Variants in CSMD3 observed in about 807,000 individuals in gnomAD.
CSMD3 encodes the protein CUB and Sushi multiple domains 3.
CSMD3 carries 177 observed loss-of-function variants against 435.2 expected under a neutral mutation model. That is an observed-to-expected ratio of 0.41 (90% CI 0.36 to 0.46). CSMD3 has a LOEUF of 0.46. Ranked by LOEUF, CSMD3 falls within the 20% of genes least tolerant of loss-of-function variation. CSMD3 has a pLI of 0.34. For synonymous variants in CSMD3, 1,656 were observed against 1,520.5 expected (o/e 1.09, Z -2.07); for missense variants, 4,265 against 4,504.6 (o/e 0.95, Z 1.52).
chr8:112,544,277 T>C (rs918181985), intron 27 of CSMD3, among the ~76,000 whole-genome samples: 7 of 152,150 alleles, frequency 4.6e-5, no homozygotes, highest in African/African-American at 1.7e-4. Flanking sequence ...CTGTTGAAGA[T>C]AGGTACTGTA....
chr8:112,339,887 T>A (rs1219460207), intron 42 of CSMD3, among the ~76,000 whole-genome samples: 2 of 152,208 alleles, frequency 1.3e-5, no homozygotes, highest in Non-Finnish European at 2.9e-5. Context: ...ATTCACAACA[T>A]CTCCTCATCA....
In CSMD3 at chr8:112,325,875, T is replaced by C. The variant is rs1586774701; in HGVS notation, c.7166-5894A>G. 3.3e-5 allele frequency among the ~76,000 whole-genome samples: 5 copies of C among 152,198 alleles called. No homozygotes were observed. The South Asian group carries it at 8.3e-4, about 25-fold the overall frequency. On this transcript the variant is annotated intron_variant, in intron 45 of 70. Coordinates refer to ENST00000297405, the MANE Select transcript of CSMD3 (RefSeq NM_198123.2). ...ATAATAATGATAATAGTAATAATTTTATGCCATCCCAAAGGGCAGTTATGA... is the reference window on the plus strand; with the variant it reads ...ATAATAATGATAATAGTAATAATTTCATGCCATCCCAAAGGGCAGTTATGA...
intron 5 of CSMD3, among the ~76,000 whole-genome samples, chr8:113,051,467 G>GT (rs1044005501): frequency 9.2e-5 from 14 of 152,104 alleles, no homozygotes; most frequent in East Asian, 1.9e-4. Flanking sequence ...TTAATAAATT[G>GT]TTTTTTACCG....
At chr8:112,362,890 C>G (rs1827389618) in intron 38 of CSMD3, among the ~76,000 whole-genome samples, 1 of 151,864 alleles carries the variant, frequency 6.6e-6, no homozygotes, top group African/African-American at 2.4e-5. Flanking sequence ...AGAGATTTTT[C>G]TTTCTTTTTT....
intron 1 of CSMD3, among the ~76,000 whole-genome samples, chr8:113,413,707 A>G (rs1419440546): frequency 6.6e-6 from 1 of 152,192 alleles, no homozygotes; most frequent in Non-Finnish European, 1.5e-5. Context: ...TTTGAAGAAA[A>G]CATACTTGCT....
At chr8:112,568,190 G>A (rs72676656) in intron 24 of CSMD3, among the ~76,000 whole-genome samples, 1,682 of 152,264 alleles carry the variant, frequency 0.011, 20 homozygotes, top group Middle Eastern at 0.017. Flanking sequence ...GATCAAACCA[G>A]AGTTGACTGA....
intron 11 of CSMD3, among the ~76,000 whole-genome samples, chr8:112,855,467 A>G (rs2080621979): frequency 6.6e-6 from 1 of 152,148 alleles, no homozygotes; most frequent in South Asian, 2.1e-4. Flanking sequence ...TCAATCAGAC[A>G]AATCAGAAAC....
intron 5 of CSMD3, among the ~76,000 whole-genome samples, chr8:113,082,244 G>T (rs1359163829): frequency 1.3e-5 from 2 of 152,040 alleles, no homozygotes; most frequent in Non-Finnish European, 2.9e-5. Flanking sequence ...CCCACCTGGG[G>T]CCCATCACCC....
chr8:112,494,603 G>T, intron 30 of CSMD3, among the ~76,000 whole-genome samples: 1 of 141,774 alleles, frequency 7.1e-6, no homozygotes, highest in African/African-American at 2.7e-5. Context: ...AGTACTTAAA[G>T]GCTCACTACC....
intron 22 of CSMD3, among the ~76,000 whole-genome samples, chr8:112,608,920 T>C (rs1195099151): frequency 6.6e-6 from 1 of 151,966 alleles, no homozygotes; most frequent in Non-Finnish European, 1.5e-5. Context: ...AAAAGTGCTC[T>C]ATAATTGTAA....
At chr8:113,041,246 G>C (rs1029599726) in intron 5 of CSMD3, among the ~76,000 whole-genome samples, 1 of 149,750 alleles carries the variant, frequency 6.7e-6, no homozygotes, top group Non-Finnish European at 1.5e-5. Context: ...GGGAAGTTTT[G>C]AGAAATTTTC....
chr8:112,319,890 A>G lies in CSMD3; in HGVS notation c.7246+11T>C. The stretch of plus-strand genomic sequence containing the variant: ...AGTATGTTTTCCTTGAAAATAATTT[A>G]ACAGCTTTACCTATTTCAAATTCAT... On this transcript the variant is annotated intron_variant, in intron 46 of 70. Coordinates refer to ENST00000297405, the MANE Select transcript of CSMD3 (RefSeq NM_198123.2). 2 of 1,591,490 alleles carry G rather than the reference A, an allele frequency of 1.3e-6. No individual in the cohort carries two copies. The highest frequency in any genetic ancestry group is 1.7e-6 in the Non-Finnish European group (2 of 1,159,658).
intron 26 of CSMD3, among the ~76,000 whole-genome samples, chr8:112,551,267 C>T (rs1827661613): frequency 6.6e-6 from 1 of 151,946 alleles, no homozygotes; most frequent in Non-Finnish European, 1.5e-5. Flanking sequence ...TAATTTTTAT[C>T]TTAATTTTAC....
At chr8:112,498,302 G>T (rs181719245) in intron 30 of CSMD3, among the ~76,000 whole-genome samples, 1 of 152,150 alleles carries the variant, frequency 6.6e-6, no homozygotes, top group African/African-American at 2.4e-5. Flanking sequence ...TAGAGTAAGT[G>T]CATAGTAAAC....
At chr8:112,234,554 A>G (rs1813396724) in intron 67 of CSMD3, 77 bp from the exon 68 acceptor site, 1 of 840,752 alleles carries the variant, frequency 1.2e-6, no homozygotes, top group Non-Finnish European at 2.1e-6. Flanking sequence ...ATCATTCCTT[A>G]AATAGATTAT....
intron 6 of CSMD3, among the ~76,000 whole-genome samples, chr8:112,997,287 T>C (rs185047647): frequency 1.3e-3 from 193 of 151,816 alleles, no homozygotes; most frequent in Admixed American, 3.6e-3. Context: ...ACAGTTAAAA[T>C]ATTTTATTAA....
At chr8:112,494,563 C>CTT (rs1182166706) in intron 30 of CSMD3, among the ~76,000 whole-genome samples, 1 of 91,546 alleles carries the variant, frequency 1.1e-5, no homozygotes, top group African/African-American at 4.1e-5. Context: ...TTCTTTCTTT[C>CTT]TTTCTTTCTT....
At chr8:112,298,887 C>A (rs1476827127) in intron 53 of CSMD3, among the ~76,000 whole-genome samples, 1 of 152,182 alleles carries the variant, frequency 6.6e-6, no homozygotes, top group South Asian at 2.1e-4. Flanking sequence ...GAAATGAATG[C>A]GTATGTCCAC....
chr8:112,229,856 G>C (rs758705005), intron 69 of CSMD3, among the ~76,000 whole-genome samples: 1 of 150,780 alleles, frequency 6.6e-6, no homozygotes, highest in Non-Finnish European at 1.5e-5. Context: ...CTGGAATCAG[G>C]TGTAGTTAGA....
Sources: allele counts gnomAD v4.1 joint callset (sites outside exome capture counted in the v4.1 genomes callset), GRCh38; gene constraint gnomAD v4.1.1; transcripts MANE v1.5; gene names NCBI Gene and HGNC (gene_info 2026-07-23, HGNC 2026-07-21).